Variants in LRRTM4 observed in about 807,000 individuals in gnomAD.
The protein encoded by LRRTM4 is leucine rich repeat transmembrane neuronal 4, also known as leucine-rich repeat transmembrane neuronal protein 4.
LRRTM4 carries 25 observed loss-of-function variants against 47.6 expected under a neutral mutation model. The observed-to-expected ratio is 0.53, with a 90% confidence interval of 0.38 to 0.73. The LOEUF is 0.73. Ranked by LOEUF, LRRTM4 falls within the 30% of genes least tolerant of loss-of-function variation. The probability of loss-of-function intolerance (pLI) is 0.00; values close to 1 mark genes in which losing one functional copy is unlikely to be tolerated. For missense variants in LRRTM4, 638 were observed against 713.4 expected (o/e 0.89, Z 1.20); for synonymous variants, 311 against 269.5 (o/e 1.15, Z -1.51).
intron 3 of LRRTM4, among the ~76,000 whole-genome samples, chr2:77,426,924 T>C (rs997975394): frequency 6.6e-6 from 1 of 151,380 alleles, no homozygotes; most frequent in Non-Finnish European, 1.5e-5. Context: ...TATAAGGCTA[T>C]GGATGGCTGC....
At chr2:77,142,490 ATAGT>A (rs1327522490) in intron 3 of LRRTM4, among the ~76,000 whole-genome samples, 1 of 151,944 alleles carries the variant, frequency 6.6e-6, no homozygotes, top group Non-Finnish European at 1.5e-5. Context: ...GAAAAACTTG[ATAGT>A]TCTATTGATT....
At chr2:77,253,192 A>C (rs1235058072) in intron 3 of LRRTM4, among the ~76,000 whole-genome samples, 1 of 152,178 alleles carries the variant, frequency 6.6e-6, no homozygotes, top group African/African-American at 2.4e-5. Context: ...AAACATAAAA[A>C]ATATAAATAA....
intron 3 of LRRTM4, among the ~76,000 whole-genome samples, chr2:76,944,844 C>T (rs1398270078): frequency 2.6e-5 from 4 of 151,928 alleles, no homozygotes; most frequent in African/African-American, 9.7e-5. Flanking sequence ...ATTTAGAAAA[C>T]AATCAGAATA....
At chr2:77,047,414 T>G (rs901652252) in intron 3 of LRRTM4, among the ~76,000 whole-genome samples, 1 of 152,052 alleles carries the variant, frequency 6.6e-6, no homozygotes, top group Non-Finnish European at 1.5e-5. Context: ...TTGTGAAGGC[T>G]AAAACTCTGA....
At chr2:76,909,233 A>C (rs1673961224) in intron 3 of LRRTM4, among the ~76,000 whole-genome samples, 1 of 152,238 alleles carries the variant, frequency 6.6e-6, no homozygotes, top group Non-Finnish European at 1.5e-5. Flanking sequence ...GAGAAAAACA[A>C]GCAATGGGGA....
intron 3 of LRRTM4, chr2:76,987,508 T>C (rs1676844878): frequency 6.6e-6 from 1 of 151,908 alleles, no homozygotes; most frequent in Admixed American, 6.6e-5. Flanking sequence ...AGTTTCTATA[T>C]ATATTTTTGT....
rs182739421 is a variant in LRRTM4, at chr2:77,077,575, C to G, written c.1552-328659G>C. Among the ~76,000 whole-genome samples, 599 of 152,208 alleles carry G rather than the reference C, an allele frequency of 3.9e-3. 3 individuals carry two copies. The highest frequency in any genetic ancestry group is 5.1e-3 in the Non-Finnish European group (348 of 68,008). On this transcript the variant is annotated intron_variant, in intron 3 of 3. Transcript: ENST00000409884. Reference sequence around the variant, plus strand: ...TTCATTGGAGCTGTAGAAGATTTTTCTTACTCATATTCTCCAAGTATAGCT... The same window carrying G: ...TTCATTGGAGCTGTAGAAGATTTTTGTTACTCATATTCTCCAAGTATAGCT...
chr2:77,401,240 C>A (rs1202039892), intron 3 of LRRTM4, among the ~76,000 whole-genome samples: 1 of 151,922 alleles, frequency 6.6e-6, no homozygotes, highest in Non-Finnish European at 1.5e-5. Flanking sequence ...GGGTAAGGCC[C>A]AGCAATTGCA....
chr2:76,982,041 G>C (rs1435313882), intron 3 of LRRTM4, among the ~76,000 whole-genome samples: 1 of 151,986 alleles, frequency 6.6e-6, no homozygotes, highest in Non-Finnish European at 1.5e-5. Context: ...CTAACAAAAG[G>C]ATTGTGCTCA....
chr2:76,999,002 T>C (rs1677311968), intron 3 of LRRTM4, among the ~76,000 whole-genome samples: 1 of 86,306 alleles, frequency 1.2e-5, no homozygotes, highest in Non-Finnish European at 2.6e-5. Flanking sequence ...CAGTCTAACT[T>C]AGAGAGCTGA....
intron 3 of LRRTM4, among the ~76,000 whole-genome samples, chr2:77,477,484 G>T (rs543998343): frequency 6.6e-6 from 1 of 152,126 alleles, no homozygotes; most frequent in African/African-American, 2.4e-5. Flanking sequence ...AAGAAATTTT[G>T]CTGTGAGATG....
At chr2:77,419,063 T>C (rs144119686) in intron 3 of LRRTM4, among the ~76,000 whole-genome samples, 268 of 152,328 alleles carry the variant, frequency 1.8e-3, no homozygotes, top group African/African-American at 6.3e-3. Context: ...TACTCATATA[T>C]ATTGGGTACT....
chr2:76,756,913 AG>A (rs1370009971), intron 3 of LRRTM4, among the ~76,000 whole-genome samples: 1 of 152,212 alleles, frequency 6.6e-6, no homozygotes, highest in Non-Finnish European at 1.5e-5. Flanking sequence ...TCAGATACTT[AG>A]ATATTTGCTG....
intron 3 of LRRTM4, among the ~76,000 whole-genome samples, chr2:76,985,549 TCTC>T (rs1226358881): frequency 2.6e-5 from 4 of 151,920 alleles, no homozygotes; most frequent in African/African-American, 9.7e-5. Flanking sequence ...GGGTGAAAGA[TCTC>T]CTCCTGAGAC....
chr2:77,188,485 C>T (rs1673575385), intron 3 of LRRTM4, among the ~76,000 whole-genome samples: 1 of 152,176 alleles, frequency 6.6e-6, no homozygotes, highest in Admixed American at 6.6e-5. Flanking sequence ...TGATTTGGTT[C>T]TTCCTCCTAC....
At chr2:76,829,796 A>G (rs1671296876) in intron 3 of LRRTM4, among the ~76,000 whole-genome samples, 1 of 152,014 alleles carries the variant, frequency 6.6e-6, no homozygotes, top group Admixed American at 6.6e-5. Context: ...TCTCTCCCCT[A>G]AAGTGTGAGA....
chr2:77,047,874 C>T (rs1679286600), intron 3 of LRRTM4, among the ~76,000 whole-genome samples: 2 of 152,032 alleles, frequency 1.3e-5, no homozygotes. Context: ...ACATTTTGGG[C>T]ATACTTATTC....
At chr2:77,399,310 A>T (rs745548782) in intron 3 of LRRTM4, among the ~76,000 whole-genome samples, 11 of 151,788 alleles carry the variant, frequency 7.2e-5, no homozygotes, top group Admixed American at 2.0e-4. Flanking sequence ...TCACATATGC[A>T]TTACCTCATA....
At chr2:77,340,531 C>A (rs901388805) in intron 3 of LRRTM4, among the ~76,000 whole-genome samples, 13 of 151,910 alleles carry the variant, frequency 8.6e-5, no homozygotes, top group African/African-American at 2.9e-4. Flanking sequence ...GCAAGTTAAC[C>A]ACAATAAAAC....
Sources: gnomAD v4.1 joint callset for allele counts (sites outside exome capture counted in the v4.1 genomes callset) on GRCh38, gnomAD v4.1.1 for gene constraint, MANE v1.5 for transcripts, NCBI Gene and HGNC (gene_info 2026-07-23, HGNC 2026-07-21) for gene names.